Variants in KALRN observed in about 807,000 individuals in gnomAD.
KALRN encodes kalirin.
In KALRN, 70 loss-of-function variants were observed where a neutral mutation model predicts 353.7. That is an observed-to-expected ratio of 0.20 (90% CI 0.16 to 0.24). The LOEUF (loss-of-function observed/expected upper bound fraction) is 0.24, where lower values mean the gene tolerates loss of function less well. KALRN is among the 10% of genes least tolerant of loss of function. The pLI is 1.00. For synonymous variants in KALRN, 1,391 were observed against 1,434.8 expected, an observed-to-expected ratio of 0.97 and a Z score of 0.69; for missense variants, 2,791 against 3,756.7, an observed-to-expected ratio of 0.74 and a Z score of 6.72.
At chr3:124,515,584 A>C (rs2066442072) in intron 33 of KALRN, among the ~76,000 whole-genome samples, 1 of 152,180 alleles carries the variant, frequency 6.6e-6, no homozygotes. Context: ...TATTTCAAAA[A>C]GTTGATCTCA....
intron 1 of KALRN, among the ~76,000 whole-genome samples, chr3:124,177,304 G>A (rs1421857768): frequency 6.6e-6 from 1 of 152,236 alleles, no homozygotes; most frequent in Non-Finnish European, 1.5e-5. Flanking sequence ...GTGGACTCAG[G>A]CAAAGCCCTC....
chr3:124,421,453 G>C (rs1432421558), intron 14 of KALRN, among the ~76,000 whole-genome samples: 1 of 152,178 alleles, frequency 6.6e-6, no homozygotes, highest in Non-Finnish European at 1.5e-5. Flanking sequence ...ATGTGTATAT[G>C]AGAGATATTT....
intron 34 of KALRN, among the ~76,000 whole-genome samples, chr3:124,571,790 C>A (rs1302847015): frequency 2.0e-5 from 3 of 151,510 alleles, no homozygotes; most frequent in Non-Finnish European, 4.4e-5. Flanking sequence ...CCATCCCTAG[C>A]TAATTTTTGT....
intron 49 of KALRN, 141 bp from the exon 50 acceptor site, chr3:124,678,049 C>A: frequency 1.2e-6 from 1 of 815,296 alleles, no homozygotes; most frequent in Non-Finnish European, 2.0e-6. Context: ...ACCCTTGGAG[C>A]TGGTGTGCAG....
chr3:124,128,950 G>A (rs2064987400), intron 1 of KALRN, among the ~76,000 whole-genome samples: 1 of 152,046 alleles, frequency 6.6e-6, no homozygotes, highest in African/African-American at 2.4e-5. Context: ...AGGGATAGAA[G>A]CAGCTTTCCA....
At chr3:124,485,830 A>C (rs561151476) in intron 28 of KALRN, among the ~76,000 whole-genome samples, 1 of 152,304 alleles carries the variant, frequency 6.6e-6, no homozygotes, top group Non-Finnish European at 1.5e-5. Flanking sequence ...CAGTGAGCTG[A>C]GATTGCACCA....
intron 3 of KALRN, among the ~76,000 whole-genome samples, chr3:124,239,038 G>A: frequency 6.6e-6 from 1 of 152,156 alleles, no homozygotes. Context: ...TTCTGGATAG[G>A]AATCTTGGTG....
intron 1 of KALRN, among the ~76,000 whole-genome samples, chr3:124,215,471 A>G (rs945901120): frequency 6.6e-6 from 1 of 152,182 alleles, no homozygotes; most frequent in South Asian, 2.1e-4. Flanking sequence ...ATTATTGAAC[A>G]TCTACCAGGT....
chr3:124,146,389 G>A (rs1251317210), intron 1 of KALRN, among the ~76,000 whole-genome samples: 1 of 152,112 alleles, frequency 6.6e-6, no homozygotes, highest in Admixed American at 6.5e-5. Flanking sequence ...GTACTTTGCT[G>A]GTAATTCATT....
rs965052792 is a variant in KALRN, at chr3:124,562,866, A to G, written c.4959A>G (p.Thr1653=). 7.3e-7 allele frequency: 1 copy of G among 1,366,630 alleles called. No individual in the cohort carries two copies. Among genetic ancestry groups the G allele is most frequent in the South Asian group, 1.1e-5 (1 of 87,652 alleles). 84.7% of individuals were successfully genotyped at this position (1,366,630 alleles called of 1,614,324 possible). A position where few individuals can be genotyped will look rare whatever the true frequency, so the allele number is the denominator to read the frequency against. The change falls in exon 34 of 60, where the codon ACA becomes ACG. Residue 1653 remains threonine, a synonymous_variant. Transcript: ENST00000682506. Reference sequence around the variant, plus strand: ...AGCTCTCTGGTGGATGTGAGCTGACAGTGGTCCTCCAGGACTTCAGTGCGG... The same window carrying G: ...AGCTCTCTGGTGGATGTGAGCTGACGGTGGTCCTCCAGGACTTCAGTGCGG... ...SDKLSGGCEL[T]VVLQDFSAGH... is the part of the protein sequence containing the mutation.
intron 14 of KALRN, among the ~76,000 whole-genome samples, chr3:124,419,044 C>T (rs1271506912): frequency 1.3e-5 from 2 of 151,576 alleles, no homozygotes; most frequent in African/African-American, 4.9e-5. Flanking sequence ...TGCACTCCAG[C>T]CTGGGCGACA....
chr3:124,463,045 C>T (rs2028820), intron 25 of KALRN, among the ~76,000 whole-genome samples: 48,191 of 152,028 alleles, frequency 0.32, 8,209 homozygotes, highest in East Asian at 0.6. Context: ...TTCCTCCATC[C>T]TCATTTTATT....
chr3:124,676,263 G>A (rs2087171157), intron 49 of KALRN, among the ~76,000 whole-genome samples: 1 of 152,176 alleles, frequency 6.6e-6, no homozygotes, highest in African/African-American at 2.4e-5. Flanking sequence ...GGGTCATTTT[G>A]ATTTCTTGTC....
At chr3:124,444,409 G>A (rs1338223299) in intron 19 of KALRN, among the ~76,000 whole-genome samples, 3 of 152,212 alleles carry the variant, frequency 2.0e-5, no homozygotes, top group African/African-American at 7.2e-5. Context: ...CTAAGCCAGA[G>A]ATCAGTTGGG....
chr3:124,286,370 G>A (rs1182091107), intron 5 of KALRN, among the ~76,000 whole-genome samples: 2 of 150,572 alleles, frequency 1.3e-5, no homozygotes, highest in Admixed American at 6.6e-5. Context: ...TCAGCCTCCC[G>A]AGTAGCTAGT....
At chr3:124,707,404 T>TCCTA (rs2150741904) in intron 57 of KALRN, among the ~76,000 whole-genome samples, 1 of 104,748 alleles carries the variant, frequency 9.5e-6, no homozygotes, top group African/African-American at 5.1e-5. Context: ...TTTCCTTCCT[T>TCCTA]CCTTCCTTCC....
chr3:124,600,973 T>C (rs2076740956), intron 34 of KALRN, among the ~76,000 whole-genome samples: 1 of 152,238 alleles, frequency 6.6e-6, no homozygotes, highest in African/African-American at 2.4e-5. Flanking sequence ...CTTGTGCTCA[T>C]GCGTCATTTT....
At chr3:124,414,959 A>C (rs895322726) in intron 14 of KALRN, among the ~76,000 whole-genome samples, 2 of 152,356 alleles carry the variant, frequency 1.3e-5, no homozygotes, top group Admixed American at 1.3e-4. Flanking sequence ...CGATGACCTG[A>C]AAGAGTAAAG....
intron 13 of KALRN, among the ~76,000 whole-genome samples, chr3:124,412,185 C>A (rs571324880): frequency 2.6e-4 from 40 of 152,308 alleles, no homozygotes; most frequent in African/African-American, 9.6e-4. Context: ...AATATAAGAG[C>A]ACCGCTCCCA....
Sources: gnomAD v4.1 joint callset for allele counts (sites outside exome capture counted in the v4.1 genomes callset) on GRCh38, gnomAD v4.1.1 for gene constraint, MANE v1.5 for transcripts, NCBI Gene and HGNC (gene_info 2026-07-23, HGNC 2026-07-21) for gene names.